TRMT11: variants seen among roughly 807,000 people sequenced by gnomAD.
The protein encoded by TRMT11 is tRNA (guanine(10)-N(2))-methyltransferase TRMT11.
A neutral mutation model predicts 62.8 loss-of-function variants in TRMT11; 53 were observed. The ratio of observed to expected loss-of-function variants is 0.84; its 90% CI spans 0.68 to 1.06. TRMT11 has a LOEUF of 1.06. Among genes scored for constraint, TRMT11 ranks in the 50% least tolerant of loss-of-function variants. TRMT11 has a pLI of 0.00. For synonymous variants in TRMT11, 188 were observed against 190.3 expected (o/e 0.99, Z 0.10); for missense variants, 556 against 553.4 (o/e 1.00, Z -0.05).
At chr6:126,050,092 G>A (rs1377484891) in intron 16 of TRMT11, among the ~76,000 whole-genome samples, 1 of 152,170 alleles carries the variant, frequency 6.6e-6, no homozygotes, top group African/African-American at 2.4e-5. Flanking sequence ...ACTTTGGGAG[G>A]TGGAGGTGAG....
the TRMT11 span, among the ~76,000 whole-genome samples, chr6:126,239,674 G>C: frequency 1.3e-3 from 199 of 152,172 alleles, 1 homozygote; most frequent in African/African-American, 4.2e-3. Context: ...GTGAATCTGA[G>C]AATTATGTGT....
At chr6:125,994,891 C>T (rs1237500061) in intron 2 of TRMT11, among the ~76,000 whole-genome samples, 1 of 152,190 alleles carries the variant, frequency 6.6e-6, no homozygotes, top group Non-Finnish European at 1.5e-5. Flanking sequence ...GAAAACCAAA[C>T]ACCACGTGTT....
At chr6:126,111,007 C>T (rs1338546624) in intron 17 of TRMT11, among the ~76,000 whole-genome samples, 1 of 152,012 alleles carries the variant, frequency 6.6e-6, no homozygotes, top group Non-Finnish European at 1.5e-5. Flanking sequence ...GAGTTTGACC[C>T]AGGCAGTTAG....
At chr6:126,255,565 A>C in the TRMT11 span, among the ~76,000 whole-genome samples, 4 of 152,226 alleles carry the variant, frequency 2.6e-5, no homozygotes, top group African/African-American at 7.2e-5. Context: ...TTGCTTTCAT[A>C]TCATTGCCTT....
At chr6:126,184,038 A>G (rs373140046) in intron 1 of TRMT11, among the ~76,000 whole-genome samples, 1 of 152,190 alleles carries the variant, frequency 6.6e-6, no homozygotes, top group African/African-American at 2.4e-5. Flanking sequence ...GATTATATTT[A>G]TTAATGCCCT....
At chr6:126,205,900 C>CACACACACACAA (rs1778786564), downstream of TRMT11, among the ~76,000 whole-genome samples, 1 of 2,564 alleles carries the variant, frequency 3.9e-4, no homozygotes, top group South Asian at 0.015. Context: ...TGAGAGGGTA[C>CACACACACACAA]ACACACACAC....
chr6:126,169,560 T>C (rs1197807887), intron 21 of TRMT11, among the ~76,000 whole-genome samples: 1 of 152,230 alleles, frequency 6.6e-6, no homozygotes, highest in Non-Finnish European at 1.5e-5. Flanking sequence ...TTCATAAAGC[T>C]GGAGTTATGG....
chr6:126,078,943 A>G (rs898624749), intron 17 of TRMT11, among the ~76,000 whole-genome samples: 2 of 152,212 alleles, frequency 1.3e-5, no homozygotes, highest in Non-Finnish European at 2.9e-5. Flanking sequence ...ATACATTGTC[A>G]CATTCAATTC....
At chr6:126,148,924 A>G (rs1479486090) in intron 21 of TRMT11, among the ~76,000 whole-genome samples, 1 of 152,232 alleles carries the variant, frequency 6.6e-6, no homozygotes, top group Non-Finnish European at 1.5e-5. Context: ...CACCTGCAAC[A>G]TGAGGATAAT....
At chr6:126,243,432 T>G in the TRMT11 span, among the ~76,000 whole-genome samples, 1 of 152,206 alleles carries the variant, frequency 6.6e-6, no homozygotes, top group African/African-American at 2.4e-5. Flanking sequence ...ATCCCATTAC[T>G]GGGTATATAC....
In TRMT11 at chr6:126,089,843, A is replaced by G. The variant is rs983946348; in HGVS notation, c.*1438-23023A>G. Among the ~76,000 whole-genome samples the G allele has an allele frequency of 4.6e-5, 7 of 152,328 alleles. No homozygotes were observed. In the East Asian group the frequency reaches 1.2e-3, roughly 25 times the overall value. On this transcript the variant is annotated intron_variant and NMD_transcript_variant, in intron 17 of 22. Transcript: ENST00000648977. ...AGAAAATTCATGGGATTTTTTTCCA[A>G]TGTTAAAAGATGAGAAAGAGCAGCA...
chr6:126,217,841 A>G, the TRMT11 span, among the ~76,000 whole-genome samples: 3 of 152,128 alleles, frequency 2.0e-5, no homozygotes, highest in Admixed American at 6.5e-5. Context: ...CAGGGCGGCA[A>G]TTTTCCCTCA....
intron 17 of TRMT11, among the ~76,000 whole-genome samples, chr6:126,093,456 C>G (rs942401137): frequency 6.7e-6 from 1 of 149,566 alleles, no homozygotes; most frequent in Non-Finnish European, 1.5e-5. Context: ...AGTTTGGAGA[C>G]AAGCAGAAGG....
At chr6:126,269,226 T>A in the TRMT11 span, among the ~76,000 whole-genome samples, 1 of 129,564 alleles carries the variant, frequency 7.7e-6, no homozygotes, top group African/African-American at 3.1e-5. Flanking sequence ...ATCCCGCCAC[T>A]GCACTCCAGC....
At chr6:125,995,441 T>A (rs1284113956) in intron 2 of TRMT11, among the ~76,000 whole-genome samples, 1 of 152,154 alleles carries the variant, frequency 6.6e-6, no homozygotes, top group Non-Finnish European at 1.5e-5. Flanking sequence ...CACTTGGAGC[T>A]TTTTTCCCCT....
chr6:126,051,000 G>C (rs868506650), intron 16 of TRMT11, among the ~76,000 whole-genome samples: 1 of 152,198 alleles, frequency 6.6e-6, no homozygotes, highest in Non-Finnish European at 1.5e-5. Flanking sequence ...GATACAGGGG[G>C]CCCTATGGGA....
chr6:126,226,402 C>T, the TRMT11 span, among the ~76,000 whole-genome samples: 1 of 152,114 alleles, frequency 6.6e-6, no homozygotes, highest in Non-Finnish European at 1.5e-5. Flanking sequence ...CCGTTTGTTA[C>T]TTATTCAATG....
chr6:126,050,309 A>C (rs1776177419), intron 16 of TRMT11, among the ~76,000 whole-genome samples: 1 of 149,668 alleles, frequency 6.7e-6, no homozygotes, highest in Non-Finnish European at 1.5e-5. Flanking sequence ...CAGCCTGGAC[A>C]ACAGAGCAAG....
chr6:125,997,753 C>T (rs1791779502), intron 3 of TRMT11, among the ~76,000 whole-genome samples: 2 of 152,214 alleles, frequency 1.3e-5, no homozygotes, highest in Admixed American at 1.3e-4. Flanking sequence ...CAGTGATCCA[C>T]CCACCTCGGC....
Sources: allele counts gnomAD v4.1 joint callset (sites outside exome capture counted in the v4.1 genomes callset), GRCh38; gene constraint gnomAD v4.1.1; transcripts MANE v1.5; gene names NCBI Gene and HGNC (gene_info 2026-07-23, HGNC 2026-07-21).